ATP11C: variants seen among roughly 807,000 people sequenced by gnomAD.
The protein encoded by ATP11C is phospholipid-transporting ATPase IG.
Under a neutral mutation model 97.4 loss-of-function variants are expected in ATP11C, and 36 were observed. The ratio of observed to expected loss-of-function variants is 0.37; its 90% CI spans 0.28 to 0.49. ATP11C has a LOEUF of 0.49. Ranked by LOEUF, ATP11C falls within the 20% of genes least tolerant of loss-of-function variation. ATP11C has a pLI of 0.98. For missense variants in ATP11C, 730 were observed against 824.6 expected, an observed-to-expected ratio of 0.89 and a Z score of 1.40; for synonymous variants, 275 against 290.9, an observed-to-expected ratio of 0.95 and a Z score of 0.56.
At chrX:139,783,770 T>C (rs997168404) in intron 16 of ATP11C, among the ~76,000 whole-genome samples, 2 of 110,166 alleles carry the variant, frequency 1.8e-5, no homozygotes, top group African/African-American at 6.6e-5. Context: ...CTACGCTGGA[T>C]GCTGAGGTGG....
chrX:139,900,296 G>A (rs1603414746), intron 1 of ATP11C, among the ~76,000 whole-genome samples: 1 of 105,186 alleles, frequency 9.5e-6, no homozygotes, highest in Non-Finnish European at 1.9e-5. Flanking sequence ...CTGATCCCGG[G>A]AGGTGGAGGT....
At chrX:139,786,867 A>AT (rs2082584414) in intron 15 of ATP11C, among the ~76,000 whole-genome samples, 1 of 111,738 alleles carries the variant, frequency 8.9e-6, no homozygotes, top group Non-Finnish European at 1.9e-5. Context: ...ATATTCACTG[A>AT]TTTTTCCTGT....
intron 8 of ATP11C, among the ~76,000 whole-genome samples, chrX:139,799,482 C>T (rs966293820): frequency 1.8e-5 from 2 of 109,706 alleles, no homozygotes; most frequent in Non-Finnish European, 3.8e-5. Flanking sequence ...TAATAAATAA[C>T]ATGGCTAGAA....
intron 1 of ATP11C, among the ~76,000 whole-genome samples, chrX:139,871,027 C>T (rs2084365656): frequency 1.2e-5 from 1 of 86,608 alleles, no homozygotes; most frequent in South Asian, 6.5e-4. Context: ...CTGCAGTCCG[C>T]AGTCCGACCT....
intron 26 of ATP11C, among the ~76,000 whole-genome samples, chrX:139,742,896 T>A (rs868093677): frequency 0.014 from 1,109 of 81,961 alleles, 15 homozygotes; most frequent in Admixed American, 0.059. Context: ...TATATATATA[T>A]ATATATATAT....
Position 139,737,922 on chromosome X carries a change from ACTT to A in ATP11C, c.3279_3281del (p.Arg1093del), listed in dbSNP as rs769874368. 72 of 1,200,323 alleles carry A rather than the reference ACTT, an allele frequency of 6.0e-5. No individual in the cohort carries two copies. In the East Asian group the frequency reaches 9.5e-4, roughly 16 times the overall value. ...AGATAAACTTAGTTCTTACCCTGGC[ACTT>A]CTTCTTCTTACATTCTTTAATACTA... On this transcript the variant is annotated inframe_deletion, in exon 28 of 30. Coordinates refer to ENST00000682941, the MANE Select transcript of ATP11C (RefSeq NM_001353812.2).
rs190669730 is a variant in ATP11C, at chrX:139,792,027, G to A, written c.1207-2539C>T. On this transcript the variant is annotated intron_variant, in intron 12 of 29. Transcript: ENST00000682941. ...ACAAGTGGTTCGGGGCCCCTAGATAGCTTCAGGATGAGTGCAGGTCACTGG... is the reference window on the plus strand; with the variant it reads ...ACAAGTGGTTCGGGGCCCCTAGATAACTTCAGGATGAGTGCAGGTCACTGG... Among the ~76,000 whole-genome samples, 419 of 110,738 alleles carry A rather than the reference G, an allele frequency of 3.8e-3. 3 individuals are homozygous for A. The highest frequency in any genetic ancestry group is 5.9e-3 in the Non-Finnish European group (310 of 52,978).
chrX:139,886,030 T>G (rs1429816061), intron 1 of ATP11C, among the ~76,000 whole-genome samples: 1 of 111,155 alleles, frequency 9.0e-6, no homozygotes, highest in East Asian at 2.8e-4. Flanking sequence ...AACTCCTAGC[T>G]AATGCAATAA....
At chrX:139,763,544 G>T in intron 20 of ATP11C, 126 bp from the exon 21 acceptor site, 1 of 485,307 alleles carries the variant, frequency 2.1e-6, no homozygotes. Context: ...GGTAGTTTGT[G>T]CATATACAGT....
chrX:139,932,070 T>C lies in ATP11C; in HGVS notation c.-28A>G. On this transcript the variant is annotated 5_prime_UTR_variant, in exon 1 of 30. Transcript: ENST00000682941. The stretch of plus-strand genomic sequence containing the variant: ...CGTCGAAGGCTGCCGGGCGCTGAGC[T>C]GGGCTCTACCGGGCTGTCTGGGAAG... The C allele has an allele frequency of 8.7e-7, 1 of 1,150,725 alleles. No homozygotes were observed. Among genetic ancestry groups the C allele is most frequent in the South Asian group, 2.0e-5 (1 of 50,422 alleles). The allele number at this position is 1,150,725 out of a possible 1,213,427, so 94.8% of individuals were successfully genotyped here. A position where few individuals can be genotyped will look rare whatever the true frequency, so the allele number is the denominator to read the frequency against.
chrX:139,731,631 A>G lies in ATP11C; in HGVS notation c.*3+20T>C. On this transcript the variant is annotated intron_variant, in intron 29 of 29. Coordinates refer to ENST00000682941, the MANE Select transcript of ATP11C (RefSeq NM_001353812.2). ...TAATCCGATTTTTTAAAGCCAGCCCATTTGTTTAACACTAGGTACCTGTTA... is the reference window on the plus strand; with the variant it reads ...TAATCCGATTTTTTAAAGCCAGCCCGTTTGTTTAACACTAGGTACCTGTTA... The G allele has an allele frequency of 9.6e-7, 1 of 1,043,713 alleles. No homozygotes were observed. Among genetic ancestry groups the G allele is most frequent in the East Asian group, 3.2e-5 (1 of 31,182 alleles). 86.0% of individuals were successfully genotyped at this position (1,043,713 alleles called of 1,213,427 possible). A position where few individuals can be genotyped will look rare whatever the true frequency, so the allele number is the denominator to read the frequency against.
At chrX:139,870,234 A>C (rs977873859) in intron 1 of ATP11C, among the ~76,000 whole-genome samples, 2 of 112,162 alleles carry the variant, frequency 1.8e-5, no homozygotes, top group African/African-American at 6.5e-5. Flanking sequence ...TGCTTTAAAA[A>C]TTTTTTAAAA....
intron 1 of ATP11C, among the ~76,000 whole-genome samples, chrX:139,929,785 T>A (rs955963524): frequency 8.9e-6 from 1 of 111,934 alleles, no homozygotes; most frequent in Non-Finnish European, 1.9e-5. Flanking sequence ...TTAATTCTAG[T>A]CTTCTAGTAA....
At chrX:139,827,738 T>A (rs1249699308) in intron 1 of ATP11C, among the ~76,000 whole-genome samples, 2 of 111,393 alleles carry the variant, frequency 1.8e-5, no homozygotes, top group African/African-American at 6.5e-5. Context: ...TAAAATGTTT[T>A]AATATATGTA....
intron 1 of ATP11C, among the ~76,000 whole-genome samples, chrX:139,880,555 A>T (rs944678183): frequency 4.5e-5 from 5 of 111,382 alleles, no homozygotes; most frequent in African/African-American, 1.6e-4. Context: ...AAGGAGGAAG[A>T]TGGTTAAAAG....
intron 1 of ATP11C, among the ~76,000 whole-genome samples, chrX:139,922,784 ATT>A (rs1034237791): frequency 9.0e-6 from 1 of 110,665 alleles, no homozygotes; most frequent in African/African-American, 3.3e-5. Context: ...TATACTTTTT[ATT>A]TGTTTTGTTT....
At chrX:139,799,227 G>A (rs5953692) in intron 8 of ATP11C, among the ~76,000 whole-genome samples, 13,146 of 110,987 alleles carry the variant, frequency 0.12, 1,118 homozygotes, top group East Asian at 0.29. Context: ...GAAAAGTTGC[G>A]GTAATTAATA....
chrX:139,821,768 T>C (rs1299322153), intron 2 of ATP11C, among the ~76,000 whole-genome samples: 1 of 112,203 alleles, frequency 8.9e-6, no homozygotes, highest in Non-Finnish European at 1.9e-5. Context: ...CACAGGTGCC[T>C]AGAACAATAG....
At chrX:139,834,359 C>T (rs779473761) in intron 1 of ATP11C, among the ~76,000 whole-genome samples, 44 of 111,332 alleles carry the variant, frequency 4.0e-4, no homozygotes, top group African/African-American at 1.4e-3. Context: ...AATAGGAATT[C>T]GTTTCTCCCT....
Sources: gnomAD v4.1 joint callset for allele counts (sites outside exome capture counted in the v4.1 genomes callset) on GRCh38, gnomAD v4.1.1 for gene constraint, MANE v1.5 for transcripts, NCBI Gene and HGNC (gene_info 2026-07-23, HGNC 2026-07-21) for gene names.